The following MSRB3 variants were observed in gnomAD, a reference collection of about 807,000 sequenced individuals.
MSRB3 encodes the protein methionine-R-sulfoxide reductase B3.
MSRB3 carries 13 observed loss-of-function variants against 21.0 expected under a neutral mutation model. The observed-to-expected ratio is 0.62, with a 90% confidence interval of 0.40 to 0.98. The LOEUF is 0.98. MSRB3 is among the 50% of genes least tolerant of loss of function. MSRB3 has a pLI of 0.00. For synonymous variants in MSRB3, 87 were observed against 88.6 expected (o/e 0.98, Z 0.10); for missense variants, 199 against 230.3 (o/e 0.86, Z 0.88).
At chr12:65,420,327 G>A (rs1304200204) in intron 5 of MSRB3, among the ~76,000 whole-genome samples, 1 of 143,006 alleles carries the variant, frequency 7.0e-6, no homozygotes. Context: ...GTAATGTGAT[G>A]CCTTCAGCTA....
intron 4 of MSRB3, among the ~76,000 whole-genome samples, chr12:65,338,067 T>A (rs1875900527): frequency 6.6e-6 from 1 of 152,202 alleles, no homozygotes; most frequent in African/African-American, 2.4e-5. Flanking sequence ...TTAATCCTGA[T>A]AAGAATAACA....
chr12:65,370,690 G>A (rs1878270091), intron 5 of MSRB3, among the ~76,000 whole-genome samples: 1 of 151,922 alleles, frequency 6.6e-6, no homozygotes, highest in Non-Finnish European at 1.5e-5. Context: ...AGCTGTACAG[G>A]CACACATCTT....
chr12:65,413,260 A>G (rs1176444645), intron 5 of MSRB3, among the ~76,000 whole-genome samples: 1 of 152,188 alleles, frequency 6.6e-6, no homozygotes, highest in African/African-American at 2.4e-5. Flanking sequence ...AGTGGCATAT[A>G]TCTCTTATGT....
In MSRB3 at chr12:65,348,916, T is replaced by C. The variant is rs1003035341; in HGVS notation, c.264-20082T>C. On this transcript the variant is annotated intron_variant, in intron 4 of 6. Coordinates refer to ENST00000308259, the MANE Select transcript of MSRB3 (RefSeq NM_001031679.3). The stretch of plus-strand genomic sequence containing the variant: ...GCGGTTTTGAGTGAGTTTCTTTTCT[T>C]TTTTTATATACTTTAAGTTTTAGGG... 4.1e-5 allele frequency among the ~76,000 whole-genome samples: 6 copies of C among 146,056 alleles called. No homozygotes were observed. In the South Asian group the frequency reaches 1.2e-3, roughly 30 times the overall value.
chr12:65,406,897 C>T (rs562255654), intron 5 of MSRB3, among the ~76,000 whole-genome samples: 138 of 152,226 alleles, frequency 9.1e-4, no homozygotes, highest in Non-Finnish European at 1.7e-3. Flanking sequence ...ACCTGGCACC[C>T]GAGGCACTAT....
intron 5 of MSRB3, among the ~76,000 whole-genome samples, chr12:65,447,348 A>G (rs989271): frequency 0.54 from 82,268 of 151,946 alleles, 22,666 homozygotes; most frequent in Non-Finnish European, 0.62. Flanking sequence ...ATCAAGATAA[A>G]GAGAACAATT....
intron 5 of MSRB3, among the ~76,000 whole-genome samples, chr12:65,438,379 C>G (rs191266542): frequency 2.6e-5 from 4 of 151,912 alleles, no homozygotes; most frequent in South Asian, 4.1e-4. Flanking sequence ...ATCCAGGAGG[C>G]TTAACATGCA....
intron 5 of MSRB3, among the ~76,000 whole-genome samples, chr12:65,373,747 G>A (rs1878448025): frequency 1.3e-5 from 2 of 152,260 alleles, no homozygotes; most frequent in Non-Finnish European, 2.9e-5. Context: ...AAAGCCGAGA[G>A]TGTAGAAGGT....
chr12:65,354,158 A>G, intron 4 of MSRB3, among the ~76,000 whole-genome samples: 1 of 151,444 alleles, frequency 6.6e-6, no homozygotes. Flanking sequence ...TGCCCTTGAC[A>G]TTTTTTCCTT....
intron 4 of MSRB3, among the ~76,000 whole-genome samples, chr12:65,355,527 T>C (rs1254071983): frequency 6.6e-6 from 1 of 151,904 alleles, no homozygotes; most frequent in Non-Finnish European, 1.5e-5. Context: ...AACCTATACT[T>C]TTGTTCATTC....
At chr12:65,353,660 G>T (rs1011258510) in intron 4 of MSRB3, among the ~76,000 whole-genome samples, 4 of 152,084 alleles carry the variant, frequency 2.6e-5, no homozygotes, top group Admixed American at 6.6e-5. Flanking sequence ...GCACCCTGAT[G>T]GGTCTTGACT....
At chr12:65,373,931 G>A (rs572226864) in intron 5 of MSRB3, among the ~76,000 whole-genome samples, 9 of 152,262 alleles carry the variant, frequency 5.9e-5, no homozygotes, top group African/African-American at 1.9e-4. Context: ...GTTAAAGCTT[G>A]AGGCAAAAAC....
At chr12:65,385,065 T>C (rs541985665) in intron 5 of MSRB3, among the ~76,000 whole-genome samples, 21 of 152,236 alleles carry the variant, frequency 1.4e-4, no homozygotes, top group African/African-American at 4.1e-4. Context: ...CTCATTTTTC[T>C]CCTTCACTGA....
chr12:65,453,839 T>C lies in MSRB3; in HGVS notation c.390+14T>C, dbSNP rs934295841. 6.2e-7 allele frequency: 1 copy of C among 1,605,560 alleles called. No individual in the cohort carries two copies. On this transcript the variant is annotated intron_variant, in intron 6 of 6. Coordinates refer to ENST00000308259, the MANE Select transcript of MSRB3 (RefSeq NM_001031679.3). ...AGCTGCTCTCAGGTGAGTTCATCCT[T>C]TCTGAAAACCCAATACATTGCTTTC...
At position 65,463,218 on chromosome 12, in the gene MSRB3, A is replaced by C; in HGVS notation, c.454A>C (p.Ile152Leu). 2.5e-6 allele frequency: 4 copies of C among 1,614,230 alleles called. No homozygotes were observed. The highest frequency in any genetic ancestry group is 3.4e-6 in the Non-Finnish European group (4 of 1,180,046). ...TCGTCCAACTGGGAAAAGATACTGCATAAATTCGGCTGCCTTGTCTTTTAC... is the reference window on the plus strand; with the variant it reads ...TCGTCCAACTGGGAAAAGATACTGCCTAAATTCGGCTGCCTTGTCTTTTAC... ...GPRPTGKRYCINSAALSFTPA... is the reference protein window; with the variant it reads ...GPRPTGKRYCLNSAALSFTPA... The change falls in exon 7 of 7, where the codon ATA (isoleucine) becomes CTA (leucine). Residue 152 changes from isoleucine (I) to leucine (L), a missense_variant. Ile to Leu is a conservative substitution (Grantham distance 5, BLOSUM62 2). Coordinates refer to ENST00000308259, the MANE Select transcript of MSRB3 (RefSeq NM_001031679.3).
chr12:65,300,914 GC>G (rs1399262022), intron 1 of MSRB3, among the ~76,000 whole-genome samples: 1 of 152,102 alleles, frequency 6.6e-6, no homozygotes, highest in Non-Finnish European at 1.5e-5. Flanking sequence ...ACAATTTATT[GC>G]CCAGAGCTAG....
At chr12:65,323,498 G>A (rs527926587) in intron 2 of MSRB3, among the ~76,000 whole-genome samples, 2 of 152,078 alleles carry the variant, frequency 1.3e-5, no homozygotes, top group African/African-American at 2.4e-5. Context: ...ACACTCACTT[G>A]TGCCTTCAAA....
chr12:65,335,799 T>C (rs1042766166), intron 4 of MSRB3, among the ~76,000 whole-genome samples: 1 of 152,230 alleles, frequency 6.6e-6, no homozygotes. Flanking sequence ...AGCTTTCTTT[T>C]GTGGAACTCT....
At chr12:65,331,774 G>T (rs887017934) in intron 4 of MSRB3, among the ~76,000 whole-genome samples, 5 of 152,252 alleles carry the variant, frequency 3.3e-5, no homozygotes, top group African/African-American at 1.2e-4. Flanking sequence ...CTCTGCAGGA[G>T]TTGGTTGCTG....
Sources: allele counts gnomAD v4.1 joint callset (sites outside exome capture counted in the v4.1 genomes callset), GRCh38; gene constraint gnomAD v4.1.1; transcripts MANE v1.5; gene names NCBI Gene and HGNC (gene_info 2026-07-23, HGNC 2026-07-21).